Variants in KIF12 observed in about 807,000 individuals in gnomAD.
KIF12 encodes kinesin-like protein KIF12.
KIF12 carries 80 observed loss-of-function variants against 87.9 expected under a neutral mutation model. That is an observed-to-expected ratio of 0.91 (90% confidence interval 0.76 to 1.10). The LOEUF (loss-of-function observed/expected upper bound fraction) is 1.10. KIF12 is among the 50% of genes least tolerant of loss of function. The pLI is 0.00. For synonymous variants in KIF12, 353 were observed against 348.5 expected (o/e 1.01, Z -0.14); for missense variants, 819 against 865.3 (o/e 0.95, Z 0.67).
rs776506245 is a variant in KIF12, at chr9:114,091,916, TG to T, written c.1900del (p.Gln634SerfsTer30). The stretch of plus-strand genomic sequence containing the variant: ...CCGTGCGCCCTCACTGCAGGGTGGC[TG>T]GCTGCGGCCACGTCGCAGGGAGCTG... ...IGSSLRRGRS[Q>X]PPCSEGARSP... is the part of the protein sequence containing the mutation. On this transcript the variant is annotated frameshift_variant, in exon 19 of 19. Coordinates refer to ENST00000640217, the MANE Select transcript of KIF12 (RefSeq NM_001388308.1). LOFTEE classifies it low-confidence loss of function (END_TRUNC). The T allele has an allele frequency of 8.8e-5, 142 of 1,612,966 alleles. No homozygotes were observed. The East Asian group carries it at 2.4e-3, about 27-fold the overall frequency.
Position 114,092,377 on chromosome 9 carries a change from G to A in KIF12, c.1772C>T (p.Pro591Leu), listed in dbSNP as rs1340692553. The A allele has an allele frequency of 2.5e-6, 4 of 1,609,106 alleles. No homozygotes were observed. The Admixed American group carries it at 5.1e-5, about 21-fold the overall frequency. ...CTTCGGGGGCCTCACAGGCAGGGGA[G>A]GTGCAGAAGGTACCACCTCCTCCTC... Reference protein sequence around the residue: ...LTEEEVVPSAPPLPVRPPKTS... With the variant: ...LTEEEVVPSALPLPVRPPKTS... Residue 591 changes from proline (P) to leucine (L), a missense_variant, in exon 18 of 19, where the codon CCT (proline) becomes CTT (leucine). Transcript: ENST00000640217.
chr9:114,098,454 G>A (rs757918190), intron 3 of KIF12, 25 bp from the exon 4 acceptor site: 1 of 1,483,840 alleles, frequency 6.7e-7, no homozygotes. Flanking sequence ...GCGGAGGAGC[G>A]GGGCACTCTG....
chr9:114,093,978 G>A lies in KIF12; in HGVS notation c.1314-6C>T, dbSNP rs1396111390. 1 of 1,613,592 alleles carries A rather than the reference G, an allele frequency of 6.2e-7. No individual in the cohort carries two copies. The highest frequency in any genetic ancestry group is 8.5e-7 in the Non-Finnish European group (1 of 1,179,694). ...GCAGCTGGCTCTTTTCTTTCCTAGG[G>A]GAGATCACAAGCCAGGAAGGGGTAG... is the stretch of plus-strand genomic sequence containing the variant. On this transcript the variant is annotated splice_polypyrimidine_tract_variant and splice_region_variant and intron_variant, in intron 13 of 18. Transcript: ENST00000640217.
chr9:114,098,778 TG>T (rs1847357848), intron 3 of KIF12, among the ~76,000 whole-genome samples, 156 bp downstream of exon 3: 1 of 19,532 alleles, frequency 5.1e-5, no homozygotes, highest in Non-Finnish European at 1.1e-4. Context: ...GGCGGAGGGC[TG>T]GGCATCCTGG....
chr9:114,092,144 C>T, intron 18 of KIF12, 144 bp from the exon 19 acceptor site: 1 of 1,138,520 alleles, frequency 8.8e-7, no homozygotes, highest in Non-Finnish European at 1.2e-6. Flanking sequence ...ACACCATGGG[C>T]TCCAACATAC....
Position 114,096,124 on chromosome 9 carries a change from C to T in KIF12, c.822G>A (p.Lys274=). Residue 274 remains lysine, a synonymous_variant, in exon 9 of 19, where the codon AAG becomes AAA. Coordinates refer to ENST00000640217, the MANE Select transcript of KIF12 (RefSeq NM_001388308.1). ...LCFVDLAGSE[K]VAATGSRGEL... is the part of the protein sequence containing the mutation. ...CCCCACGGGATCCCGTGGCTGCTACCTTCTCACTGCCTGCCAGGTCCACAA... is the reference window on the plus strand; with the variant it reads ...CCCCACGGGATCCCGTGGCTGCTACTTTCTCACTGCCTGCCAGGTCCACAA... The T allele has an allele frequency of 1.9e-6, 3 of 1,613,858 alleles. No individual in the cohort carries two copies. The highest frequency in any genetic ancestry group is 2.5e-6 in the Non-Finnish European group (3 of 1,180,026).
In KIF12 at chr9:114,097,642, G is replaced by A; in HGVS notation, c.475C>T (p.Leu159Phe). The A allele has an allele frequency of 6.2e-7, 1 of 1,611,092 alleles. No homozygotes were observed. ...RVQHLGAPVTLRASYLEIYNE... is the reference protein window; with the variant it reads ...RVQHLGAPVTFRASYLEIYNE... ...TAGATCTCCAGATAAGAGGCGCGAAGGGTGACAGGGGCACCCAGGTGCTGC... is the reference window on the plus strand; with the variant it reads ...TAGATCTCCAGATAAGAGGCGCGAAAGGTGACAGGGGCACCCAGGTGCTGC... The change falls in exon 6 of 19, where the codon CTT becomes TTT. Residue 159 changes from leucine (L) to phenylalanine (F), a missense_variant. Leu to Phe is a conservative substitution (Grantham distance 22, BLOSUM62 0). Transcript: ENST00000640217.
rs1386962014 is a variant in KIF12, at chr9:114,093,335, T to C, written c.1492-2A>G. 1 of 1,556,192 alleles carries C rather than the reference T, an allele frequency of 6.4e-7. No individual in the cohort carries two copies. Among genetic ancestry groups the C allele is most frequent in the South Asian group, 1.2e-5 (1 of 84,338 alleles). On this transcript the variant is annotated splice_acceptor_variant, in intron 15 of 18. Coordinates refer to ENST00000640217, the MANE Select transcript of KIF12 (RefSeq NM_001388308.1). LOFTEE classifies it high-confidence loss of function. ...GCAGGAGTAGAGGGGTGGCAGTGCCTGCAAAAAGGTGCGTCAGAGGCTCCA... is the reference window on the plus strand; with the variant it reads ...GCAGGAGTAGAGGGGTGGCAGTGCCCGCAAAAAGGTGCGTCAGAGGCTCCA...
In KIF12 at chr9:114,093,915, G is replaced by A. The variant is rs915941776; in HGVS notation, c.1371C>T (p.Ile457=). The stretch of plus-strand genomic sequence containing the variant: ...CTAGTGCATGGACCTGCTGGGCCAG[G>A]ATGCGCTGCTCATTCTGGGCCAGGT... ...SRDLAQNEQR[I]LAQQVHALER... The change falls in exon 14 of 19, where the codon ATC becomes ATT. Residue 457 remains isoleucine (I), a synonymous_variant. Transcript: ENST00000640217. 6.2e-7 allele frequency: 1 copy of A among 1,614,142 alleles called. No individual in the cohort carries two copies. Among genetic ancestry groups the A allele is most frequent in the Non-Finnish European group, 8.5e-7 (1 of 1,180,018 alleles).
At position 114,092,607 on chromosome 9, in the gene KIF12, T is replaced by C. The variant is rs1847040583; in HGVS notation, c.1632A>G (p.Pro544=). The change falls in exon 17 of 19, where the codon CCA becomes CCG. Residue 544 remains proline, a synonymous_variant. Coordinates refer to ENST00000640217, the MANE Select transcript of KIF12 (RefSeq NM_001388308.1). ...GTGCCCAGGGTGGGGGCCGGGCAGA[T>C]GGGGGCCTGCCACCTGAGGCCTCAG... ...LDPEASGGRP[P]SARPPPWAPP... The C allele has an allele frequency of 6.2e-7, 1 of 1,600,580 alleles. No individual in the cohort carries two copies. The highest frequency in any genetic ancestry group is 1.3e-5 in the African/African-American group (1 of 74,746).
At chr9:114,092,244 T>C (rs1245911111) in intron 18 of KIF12, 89 bp downstream of exon 18, 38 of 1,484,594 alleles carry the variant, frequency 2.6e-5, no homozygotes, top group Non-Finnish European at 7.2e-6. Context: ...CCACCCCATT[T>C]CAGAGATAAG....
intron 18 of KIF12, 51 bp from the exon 19 acceptor site, chr9:114,092,051 C>G (rs1847018644): frequency 1.3e-6 from 2 of 1,565,742 alleles, no homozygotes; most frequent in South Asian, 2.3e-5. Flanking sequence ...CCTTCCTCAC[C>G]CAGGTCCATC....
In KIF12 at chr9:114,097,346, C is replaced by T; in HGVS notation, c.601G>A (p.Val201Met). The T allele has an allele frequency of 6.2e-7, 1 of 1,610,634 alleles. No homozygotes were observed. The highest frequency in any genetic ancestry group is 8.5e-7 in the Non-Finnish European group (1 of 1,179,186). Residue 201 changes from valine to methionine, a missense_variant, in exon 7 of 19, where the codon GTG becomes ATG. By Grantham distance (21) the Val-to-Met change is conservative (BLOSUM62 1). Coordinates refer to ENST00000640217, the MANE Select transcript of KIF12 (RefSeq NM_001388308.1). Reference sequence around the variant, plus strand: ...AGGGCCTCCAGACTCCCAAATTCCACCACCCGCAGCTGCTCCACATAGAAG... The same window carrying T: ...AGGGCCTCCAGACTCCCAAATTCCATCACCCGCAGCTGCTCCACATAGAAG... ...RGFYVEQLRV[V>M]EFGSLEALME... is the part of the protein sequence containing the mutation.
chr9:114,092,678 C>T (rs549402270), intron 16 of KIF12, 36 bp from the exon 17 acceptor site: 7 of 1,547,940 alleles, frequency 4.5e-6, no homozygotes, highest in African/African-American at 2.7e-5. Flanking sequence ...TGGGTGACCT[C>T]AGTCCTGCCT....
chr9:114,099,188 C>T lies in KIF12; in HGVS notation c.27-19G>A, dbSNP rs567289353. On this transcript the variant is annotated intron_variant, in intron 1 of 18. Coordinates refer to ENST00000640217, the MANE Select transcript of KIF12 (RefSeq NM_001388308.1). Reference sequence around the variant, plus strand: ...GAGATCCCTGTGGGCAGCAATGCGACTTATCATACCTGCACCTAGCGGCTG... The same window carrying T: ...GAGATCCCTGTGGGCAGCAATGCGATTTATCATACCTGCACCTAGCGGCTG... The T allele has an allele frequency of 5.8e-6, 9 of 1,549,946 alleles. No homozygotes were observed. Among genetic ancestry groups the T allele is most frequent in the Non-Finnish European group, 7.8e-6 (9 of 1,147,080 alleles).
chr9:114,096,020 G>A, intron 9 of KIF12, 31 bp downstream of exon 9: 1 of 1,587,792 alleles, frequency 6.3e-7, no homozygotes, highest in Non-Finnish European at 8.6e-7. Context: ...AGGAGAGACA[G>A]GAAATCACAC....
chr9:114,094,163 C>A lies in KIF12; in HGVS notation c.1313+18G>T. Reference sequence around the variant, plus strand: ...TGGGTGGGGAGCAGCATCCCTCTGGCTGTGGGCTGTGCCCTACCTGAGCCT... The same window carrying A: ...TGGGTGGGGAGCAGCATCCCTCTGGATGTGGGCTGTGCCCTACCTGAGCCT... On this transcript the variant is annotated intron_variant, in intron 13 of 18. Coordinates refer to ENST00000640217, the MANE Select transcript of KIF12 (RefSeq NM_001388308.1). The A allele has an allele frequency of 6.2e-7, 1 of 1,607,348 alleles. No individual in the cohort carries two copies. Among genetic ancestry groups the A allele is most frequent in the Non-Finnish European group, 8.5e-7 (1 of 1,174,560 alleles).
chr9:114,093,443 C>T lies in KIF12; in HGVS notation c.1455G>A (p.Pro485=), dbSNP rs150940732. The change falls in exon 15 of 19, where the codon CCG becomes CCA. Residue 485 remains proline (P), a synonymous_variant. Coordinates refer to ENST00000640217, the MANE Select transcript of KIF12 (RefSeq NM_001388308.1). ...HHQQGPGLTP[P]CPCLMAPAPP... ...GAGCTGGGGCCATCAAGCAGGGACA[C>T]GGTGGGGTCAGGCCAGGACCCTGCT... 2.0e-4 allele frequency: 311 copies of T among 1,570,376 alleles called. No individual in the cohort carries two copies. The African/African-American group carries it at 3.2e-3, about 16-fold the overall frequency.
chr9:114,094,358 C>A lies in KIF12; in HGVS notation c.1217G>T (p.Cys406Phe). The change falls in exon 12 of 19, where the codon TGC (cysteine) becomes TTC (phenylalanine). Residue 406 changes from cysteine (C) to phenylalanine (F), a missense_variant. Transcript: ENST00000640217. ...TGCCTCCAGGAAGCCCATACCCTTGCAGTCCATTTGGTCCAGCTGGAACTG... is the reference window on the plus strand; with the variant it reads ...TGCCTCCAGGAAGCCCATACCCTTGAAGTCCATTTGGTCCAGCTGGAACTG... The part of the protein sequence containing the change: ...RLQFQLDQMD[C>F]KASGLSGARV... 2 of 1,613,366 alleles carry A rather than the reference C, an allele frequency of 1.2e-6. No homozygotes were observed. The highest frequency in any genetic ancestry group is 8.5e-7 in the Non-Finnish European group (1 of 1,179,344).
Sources: allele counts gnomAD v4.1 joint callset (sites outside exome capture counted in the v4.1 genomes callset), GRCh38; gene constraint gnomAD v4.1.1; transcripts MANE v1.5; gene names NCBI Gene and HGNC (gene_info 2026-07-23, HGNC 2026-07-21).